Variants in CNTLN observed in about 807,000 individuals in gnomAD.
The protein encoded by CNTLN is centlein, centrosomal protein.
CNTLN carries 212 observed loss-of-function variants against 180.0 expected under a neutral mutation model. That is an observed-to-expected ratio of 1.18 (90% confidence interval 1.05 to 1.32). The LOEUF (loss-of-function observed/expected upper bound fraction) is 1.32. Among genes scored for constraint, CNTLN ranks in the 40% most tolerant of loss-of-function variants. The probability of loss-of-function intolerance (pLI) is 0.00; values close to 1 mark genes in which losing one functional copy is unlikely to be tolerated. For synonymous variants in CNTLN, 722 were observed against 563.1 expected (o/e 1.28, Z -3.99); for missense variants, 2,095 against 1,610.9 (o/e 1.30, Z -5.14).
intron 7 of CNTLN, among the ~76,000 whole-genome samples, chr9:17,304,391 TATTG>T (rs1259999421): frequency 6.6e-6 from 1 of 152,192 alleles, no homozygotes; most frequent in Non-Finnish European, 1.5e-5. Flanking sequence ...ATGAATTAAA[TATTG>T]ATAAGGAATT....
chr9:17,393,845 G>T (rs1007095800), intron 14 of CNTLN, among the ~76,000 whole-genome samples: 2 of 152,082 alleles, frequency 1.3e-5, no homozygotes, highest in Admixed American at 6.6e-5. Flanking sequence ...ATGTATGCAG[G>T]TGTTGGTCTT....
At chr9:17,290,320 C>G (rs527780479) in intron 6 of CNTLN, among the ~76,000 whole-genome samples, 1 of 151,342 alleles carries the variant, frequency 6.6e-6, no homozygotes, top group Non-Finnish European at 1.5e-5. Flanking sequence ...TTAGGCTGCT[C>G]GGGGGTCAGG....
In CNTLN at chr9:17,338,224, G is replaced by T. The variant is rs1239426930; in HGVS notation, c.1645-2603G>T. Among the ~76,000 whole-genome samples the T allele has an allele frequency of 3.3e-5, 5 of 150,352 alleles. 1 individual carries two copies. In the South Asian group the frequency reaches 1.1e-3, roughly 32 times the overall value. ...GCCCAAGCTGTAGTACAGTGCAGTG[G>T]CGCCATCTTTGCTCACTGCAACCTC... On this transcript the variant is annotated intron_variant, in intron 10 of 25. Coordinates refer to ENST00000380647, the MANE Select transcript of CNTLN (RefSeq NM_017738.4).
chr9:17,205,796 A>G (rs146988696), intron 2 of CNTLN, among the ~76,000 whole-genome samples: 1 of 152,334 alleles, frequency 6.6e-6, no homozygotes, highest in East Asian at 1.9e-4. Flanking sequence ...TGCTACCATT[A>G]TCACTGTTTT....
intron 3 of CNTLN, among the ~76,000 whole-genome samples, chr9:17,227,463 A>T (rs1293059115): frequency 1.3e-5 from 2 of 152,040 alleles, no homozygotes; most frequent in Non-Finnish European, 2.9e-5. Context: ...AGAGTGGCTA[A>T]TATCGTTATA....
chr9:17,295,997 AGTGTGTGTGTGTGTGTGT>A (rs66515360), intron 6 of CNTLN, among the ~76,000 whole-genome samples: 8 of 91,288 alleles, frequency 8.8e-5, no homozygotes, highest in East Asian at 8.3e-4. Context: ...AGAGAGAGAG[AGTGTGTGTGTGTGTGTGT>A]GTGTGTGTGT....
At chr9:17,303,388 T>C (rs1818502366) in intron 7 of CNTLN, among the ~76,000 whole-genome samples, 1 of 152,214 alleles carries the variant, frequency 6.6e-6, no homozygotes, top group African/African-American at 2.4e-5. Context: ...CATTGCTCTC[T>C]TTTTGGTGAC....
chr9:17,263,858 T>C (rs1305306475), intron 5 of CNTLN, among the ~76,000 whole-genome samples: 1 of 141,454 alleles, frequency 7.1e-6, no homozygotes, highest in Admixed American at 7.0e-5. Context: ...GAAGTGTCTG[T>C]TCATATCCTT....
chr9:17,416,056 A>G lies in CNTLN; in HGVS notation c.2981A>G (p.Gln994Arg). Reference sequence around the variant, plus strand: ...GAACGGATTATATCCTTGCAACAACAAAACAGTGTACTTCAGAATGCCAAG... The same window carrying G: ...GAACGGATTATATCCTTGCAACAACGAAACAGTGTACTTCAGAATGCCAAG... ...LRERIISLQQ[Q>R]NSVLQNAKKT... Residue 994 changes from glutamine to arginine, a missense_variant, in exon 18 of 26, where the codon CAA becomes CGA. Coordinates refer to ENST00000380647, the MANE Select transcript of CNTLN (RefSeq NM_017738.4). 2 of 1,613,704 alleles carry G rather than the reference A, an allele frequency of 1.2e-6. No individual in the cohort carries two copies. Among genetic ancestry groups the G allele is most frequent in the African/African-American group, 2.7e-5 (2 of 75,048 alleles).
chr9:17,261,723 G>C (rs2132375323), intron 5 of CNTLN, among the ~76,000 whole-genome samples: 1 of 150,924 alleles, frequency 6.6e-6, no homozygotes. Flanking sequence ...GGAGTGGTAA[G>C]AGTGGGCATG....
intron 13 of CNTLN, among the ~76,000 whole-genome samples, chr9:17,367,886 A>C (rs1823964706): frequency 6.6e-6 from 1 of 151,492 alleles, no homozygotes; most frequent in Admixed American, 6.6e-5. Flanking sequence ...AGACTCTGAG[A>C]TGTGCTGGAT....
intron 23 of CNTLN, among the ~76,000 whole-genome samples, chr9:17,475,610 C>T (rs536725781): frequency 3.3e-4 from 50 of 152,024 alleles, no homozygotes; most frequent in African/African-American, 1.0e-3. Flanking sequence ...CAGTGGCTCA[C>T]GTCTGTAATC....
intron 15 of CNTLN, among the ~76,000 whole-genome samples, chr9:17,408,222 T>C (rs1382137170): frequency 6.6e-6 from 1 of 151,820 alleles, no homozygotes; most frequent in Non-Finnish European, 1.5e-5. Context: ...GATGTTATTC[T>C]TCATGGTGTC....
At chr9:17,181,382 C>T (rs748633991) in intron 2 of CNTLN, among the ~76,000 whole-genome samples, 6 of 152,200 alleles carry the variant, frequency 3.9e-5, no homozygotes, top group Non-Finnish European at 8.8e-5. Flanking sequence ...GTTGTATCTT[C>T]TGTCTCTTTG....
intron 5 of CNTLN, among the ~76,000 whole-genome samples, chr9:17,251,923 T>G (rs1826168047): frequency 6.6e-6 from 1 of 151,820 alleles, no homozygotes; most frequent in Non-Finnish European, 1.5e-5. Context: ...ATGGTATCTA[T>G]CACTGTATTC....
intron 2 of CNTLN, among the ~76,000 whole-genome samples, chr9:17,159,453 C>A (rs1208434080): frequency 6.6e-6 from 1 of 152,164 alleles, no homozygotes; most frequent in Non-Finnish European, 1.5e-5. Flanking sequence ...GTTCTCTTGG[C>A]TTGCCTCTCC....
chr9:17,167,808 A>C (rs914846695), intron 2 of CNTLN: 6 of 152,226 alleles, frequency 3.9e-5, no homozygotes, highest in Non-Finnish European at 2.9e-5. Context: ...ATACATAATA[A>C]GTATTATGTT....
intron 18 of CNTLN, among the ~76,000 whole-genome samples, chr9:17,426,220 A>G (rs914475158): frequency 5.3e-5 from 8 of 152,210 alleles, no homozygotes; most frequent in Non-Finnish European, 1.2e-4. Flanking sequence ...ATAAACCTGC[A>G]CAATCTTTCA....
At chr9:17,365,395 C>G (rs1312169310) in intron 12 of CNTLN, among the ~76,000 whole-genome samples, 1 of 152,092 alleles carries the variant, frequency 6.6e-6, no homozygotes. Context: ...AATTGAACCT[C>G]TTTTCTTTAT....
Sources: allele counts gnomAD v4.1 joint callset (sites outside exome capture counted in the v4.1 genomes callset), GRCh38; gene constraint gnomAD v4.1.1; transcripts MANE v1.5; gene names NCBI Gene and HGNC (gene_info 2026-07-23, HGNC 2026-07-21).